The following VWA8 variants were observed in gnomAD, a reference collection of about 807,000 sequenced individuals.
VWA8 encodes von Willebrand factor A domain containing 8, also known as von Willebrand factor A domain-containing protein 8.
A neutral mutation model predicts 241.5 loss-of-function variants in VWA8; 221 were observed. The observed-to-expected ratio is 0.91, with a 90% CI of 0.82 to 1.02. The LOEUF (loss-of-function observed/expected upper bound fraction) is 1.02. Ranked by LOEUF, VWA8 falls within the 50% of genes least tolerant of loss-of-function variation. VWA8 has a pLI of 0.00. For synonymous variants in VWA8, 852 were observed against 827.1 expected (o/e 1.03, Z -0.52); for missense variants, 2,322 against 2,328.7 (o/e 1.00, Z 0.06).
At chr13:41,873,562 G>A (rs536916186) in intron 9 of VWA8, among the ~76,000 whole-genome samples, 8 of 152,236 alleles carry the variant, frequency 5.3e-5, no homozygotes, top group East Asian at 3.9e-4. Flanking sequence ...ACACCTCTAC[G>A]CAAATAAACT....
intron 37 of VWA8, among the ~76,000 whole-genome samples, chr13:41,666,051 G>A (rs1449748047): frequency 6.6e-6 from 1 of 152,020 alleles, no homozygotes; most frequent in African/African-American, 2.4e-5. Context: ...CCTTAGGGAG[G>A]TGACTGCTGA....
At chr13:41,657,639 G>C (rs973956801) in intron 37 of VWA8, among the ~76,000 whole-genome samples, 2 of 151,952 alleles carry the variant, frequency 1.3e-5, no homozygotes, top group Non-Finnish European at 2.9e-5. Context: ...ACAGGCGCCC[G>C]CCACCGCGCC....
chr13:41,816,746 A>C lies in VWA8; in HGVS notation c.1899T>G (p.Asp633Glu). The part of the protein sequence containing the change: ...KVPNVPQEAL[D>E]KLLSFTHKLR... ...GTTTGTGTGTAAATGATAATAACTT[A>C]TCCAGAGCTTCCTGAGGTACATTTG... The change falls in exon 16 of 45, where the codon GAT becomes GAG. Residue 633 changes from aspartate to glutamate, a missense_variant. By Grantham distance (45) the Asp-to-Glu change is conservative. Coordinates refer to ENST00000379310, the MANE Select transcript of VWA8 (RefSeq NM_015058.2). The C allele has an allele frequency of 6.2e-7, 1 of 1,613,754 alleles. No homozygotes were observed. The highest frequency in any genetic ancestry group is 8.5e-7 in the Non-Finnish European group (1 of 1,179,794).
Position 41,861,143 on chromosome 13 carries a change from G to A in VWA8, c.1425+4593C>T, listed in dbSNP as rs189614217. Among the ~76,000 whole-genome samples the A allele has an allele frequency of 1.6e-3, 241 of 152,100 alleles. 1 individual carries two copies. Among genetic ancestry groups the A allele is most frequent in the African/African-American group, 5.4e-3 (223 of 41,506 alleles). ...GGAGAATCGCGTGAACCTGGGAGGC[G>A]GAGGTTGCCGTGAGCCGAGACTGCA... is the stretch of plus-strand genomic sequence containing the variant. On this transcript the variant is annotated intron_variant, in intron 12 of 44. Transcript: ENST00000379310.
chr13:41,822,230 G>A (rs1270762344), intron 14 of VWA8, among the ~76,000 whole-genome samples: 2 of 151,984 alleles, frequency 1.3e-5, no homozygotes, highest in East Asian at 3.8e-4. Context: ...GTTTTTAAAG[G>A]GAATCCTATG....
chr13:41,887,150 A>G lies in VWA8; in HGVS notation c.816+47T>C, dbSNP rs188996142. 3 of 1,578,892 alleles carry G rather than the reference A, an allele frequency of 1.9e-6. No individual in the cohort carries two copies. In the African/African-American group the frequency reaches 4.1e-5, roughly 22 times the overall value. ...TTTATAGCATTGAAGTTCTTGTTAT[A>G]AATAGAAAAACTGTTTAACAAATAA... On this transcript the variant is annotated intron_variant, in intron 6 of 44. Coordinates refer to ENST00000379310, the MANE Select transcript of VWA8 (RefSeq NM_015058.2).
Position 41,567,877 on chromosome 13 carries a change from C to A in VWA8, c.*320G>T, listed in dbSNP as rs910892628. 26 of 224,204 alleles carry A rather than the reference C, an allele frequency of 1.2e-4. No homozygotes were observed. Among genetic ancestry groups the A allele is most frequent in the Admixed American group, 1.7e-4 (3 of 18,120 alleles). The allele number at this position is 224,204 out of a possible 1,614,324, so 13.9% of individuals were successfully genotyped here. ...AGGCAAAAGCAAAGTATTTTCTCCC[C>A]CTCAGGTTTTTGGAAATAGACCAAA... On this transcript the variant is annotated 3_prime_UTR_variant, in exon 45 of 45. Transcript: ENST00000379310.
chr13:41,755,547 C>T (rs1005845811), intron 21 of VWA8, among the ~76,000 whole-genome samples: 1 of 151,560 alleles, frequency 6.6e-6, no homozygotes, highest in Non-Finnish European at 1.5e-5. Context: ...CATATCTATA[C>T]TTTTATCTAG....
intron 12 of VWA8, among the ~76,000 whole-genome samples, chr13:41,860,469 C>A (rs1172345080): frequency 6.6e-6 from 1 of 152,076 alleles, no homozygotes; most frequent in East Asian, 1.9e-4. Context: ...TATTCTGTGA[C>A]AGAAACTAGA....
Position 41,833,435 on chromosome 13 carries a change from C to T in VWA8, c.1522G>A (p.Gly508Ser), listed in dbSNP as rs767112124. Reference sequence around the variant, plus strand: ...ATGCCATCCAGCAGGACCAGCTTGCCTTCCAGAGCAGCATTCACAAGGGGT... The same window carrying T: ...ATGCCATCCAGCAGGACCAGCTTGCTTTCCAGAGCAGCATTCACAAGGGGT... The part of the protein sequence containing the change: ...SSPLVNAALE[G>S]KLVLLDGIHR... Residue 508 changes from glycine to serine, a missense_variant, in exon 13 of 45, where the codon GGC (glycine) becomes AGC (serine). Coordinates refer to ENST00000379310, the MANE Select transcript of VWA8 (RefSeq NM_015058.2). 1.2e-6 allele frequency: 2 copies of T among 1,614,056 alleles called. No individual in the cohort carries two copies. Among genetic ancestry groups the T allele is most frequent in the Non-Finnish European group, 1.7e-6 (2 of 1,179,978 alleles).
intron 43 of VWA8, among the ~76,000 whole-genome samples, chr13:41,571,347 G>GTCTCCCTCTCCCGGCTCCC (rs1566370918): frequency 9.6e-6 from 1 of 104,510 alleles, no homozygotes; most frequent in Non-Finnish European, 2.0e-5. Context: ...TCCCTCTCCC[G>GTCTCCCTCTCCCGGCTCCC]TCTCCCTCTC....
intron 4 of VWA8, among the ~76,000 whole-genome samples, chr13:41,897,326 G>C (rs756601259): frequency 1.3e-5 from 2 of 152,098 alleles, no homozygotes; most frequent in Non-Finnish European, 2.9e-5. Context: ...CTAATCACCA[G>C]AGAAATGCAA....
intron 26 of VWA8, among the ~76,000 whole-genome samples, chr13:41,711,861 G>A (rs941158570): frequency 6.6e-6 from 1 of 151,212 alleles, no homozygotes; most frequent in African/African-American, 2.4e-5. Flanking sequence ...GCGACAGAGC[G>A]AGACTCTGTC....
intron 17 of VWA8, among the ~76,000 whole-genome samples, chr13:41,808,333 T>C (rs2137970491): frequency 6.6e-6 from 1 of 152,302 alleles, no homozygotes; most frequent in Non-Finnish European, 1.5e-5. Flanking sequence ...AATTGGCTCA[T>C]GGTGCTGTAC....
chr13:41,896,327 A>C (rs1198432629), intron 4 of VWA8, among the ~76,000 whole-genome samples: 1 of 152,080 alleles, frequency 6.6e-6, no homozygotes, highest in Non-Finnish European at 1.5e-5. Flanking sequence ...GAATTTGGAA[A>C]AGAAATCCAA....
At chr13:41,569,789 G>C (rs943609283) in intron 44 of VWA8, among the ~76,000 whole-genome samples, 2 of 152,048 alleles carry the variant, frequency 1.3e-5, no homozygotes, top group Non-Finnish European at 2.9e-5. Flanking sequence ...AGTGTTTCCA[G>C]ATCTCTCCTT....
intron 8 of VWA8, among the ~76,000 whole-genome samples, chr13:41,883,763 G>A (rs1053144575): frequency 6.6e-6 from 1 of 151,970 alleles, no homozygotes; most frequent in African/African-American, 2.4e-5. Flanking sequence ...TCTTTCTTGA[G>A]CTCTAAACCT....
At chr13:41,632,586 G>T (rs143796038) in intron 37 of VWA8, among the ~76,000 whole-genome samples, 88 of 152,290 alleles carry the variant, frequency 5.8e-4, no homozygotes, top group African/African-American at 2.0e-3. Flanking sequence ...AATCTTGGCT[G>T]CTGCTTTTTC....
At chr13:41,921,897 C>G (rs571145686) in intron 2 of VWA8, among the ~76,000 whole-genome samples, 1 of 152,180 alleles carries the variant, frequency 6.6e-6, no homozygotes, top group East Asian at 1.9e-4. Flanking sequence ...CTCCATCAAG[C>G]TACCAATGAC....
Sources: gnomAD v4.1 joint callset for allele counts (sites outside exome capture counted in the v4.1 genomes callset) on GRCh38, gnomAD v4.1.1 for gene constraint, MANE v1.5 for transcripts, NCBI Gene and HGNC (gene_info 2026-07-23, HGNC 2026-07-21) for gene names.